Variants in PLA2G15 observed in about 807,000 individuals in gnomAD.
PLA2G15 encodes lysosomal phospholipase A and acyltransferase.
Under a neutral mutation model 40.9 loss-of-function variants are expected in PLA2G15, and 20 were observed. The observed-to-expected ratio is 0.49, with a 90% confidence interval of 0.34 to 0.71. The LOEUF (loss-of-function observed/expected upper bound fraction) is 0.71, where lower values mean the gene tolerates loss of function less well. Ranked by LOEUF, PLA2G15 falls within the 30% of genes least tolerant of loss-of-function variation. PLA2G15 has a pLI of 0.01. For synonymous variants in PLA2G15, 223 were observed against 228.2 expected, an observed-to-expected ratio of 0.98 and a Z score of 0.21; for missense variants, 471 against 541.9, an observed-to-expected ratio of 0.87 and a Z score of 1.30.
At chr16:68,249,566 C>A in intron 2 of PLA2G15, 120 bp downstream of exon 2, 1 of 935,298 alleles carries the variant, frequency 1.1e-6, no homozygotes, top group Non-Finnish European at 1.7e-6. Flanking sequence ...CCCAGGTCCT[C>A]GGTCTGGTCT....
intron 2 of PLA2G15, among the ~76,000 whole-genome samples, chr16:68,249,791 G>T (rs968049607): frequency 6.6e-6 from 1 of 152,146 alleles, no homozygotes; most frequent in Admixed American, 6.5e-5. Flanking sequence ...CGATTCTTGT[G>T]CCTCAGCCTC....
chr16:68,247,303 T>C (rs947554336), intron 1 of PLA2G15, among the ~76,000 whole-genome samples: 1 of 152,246 alleles, frequency 6.6e-6, no homozygotes, highest in South Asian at 2.1e-4. Context: ...CAGAAGACCC[T>C]GGGCAAGGGG....
chr16:68,258,025 C>G (rs981401212), intron 5 of PLA2G15, among the ~76,000 whole-genome samples: 2 of 152,198 alleles, frequency 1.3e-5, no homozygotes, highest in South Asian at 2.1e-4. Flanking sequence ...GTCTGAGAGG[C>G]CTCCCTGCTT....
At position 68,259,985 on chromosome 16, in the gene PLA2G15, T is replaced by G; in HGVS notation, c.*328T>G. On this transcript the variant is annotated 3_prime_UTR_variant, in exon 6 of 6. Transcript: ENST00000219345. This position sits in a 1 kb window ranked among gnomAD's most constrained non-coding sequence, Gnocchi z 6.5. ...TGCCTGGGGCCATGTGTCCCCCCTA[T>G]TCCTGTGGGCTTTTCATACTTGCCT... 5.6e-6 allele frequency: 2 copies of G among 359,712 alleles called. No homozygotes were observed. The highest frequency in any genetic ancestry group is 4.4e-5 in the Admixed American group (1 of 22,584). The allele number at this position is 359,712 out of a possible 1,614,324, so 22.3% of individuals were successfully genotyped here.
intron 2 of PLA2G15, 34 bp from the exon 3 acceptor site, chr16:68,254,884 CT>C (rs1342297578): frequency 7.5e-7 from 1 of 1,335,768 alleles, no homozygotes; most frequent in Non-Finnish European, 1.1e-6. Context: ...TCAGTGTCCC[CT>C]CCGGGTCACT....
Sources: allele counts gnomAD v4.1 joint callset (sites outside exome capture counted in the v4.1 genomes callset), GRCh38; gene constraint gnomAD v4.1.1; non-coding constraint Gnocchi (gnomAD v3.1); transcripts MANE v1.5; gene names NCBI Gene and HGNC (gene_info 2026-07-23, HGNC 2026-07-21).